GBE1: variants seen among roughly 807,000 people sequenced by gnomAD.
The protein encoded by GBE1 is 1,4-alpha-glucan-branching enzyme.
A neutral mutation model predicts 88.8 loss-of-function variants in GBE1; 70 were observed. The observed-to-expected ratio is 0.79, with a 90% CI of 0.65 to 0.96. GBE1 has a LOEUF of 0.96. GBE1 is among the 40% of genes least tolerant of loss of function. The pLI is 0.00. For missense variants in GBE1, 872 were observed against 871.0 expected, an observed-to-expected ratio of 1.00 and a Z score of -0.01; for synonymous variants, 284 against 300.1, an observed-to-expected ratio of 0.95 and a Z score of 0.56.
intron 3 of GBE1, among the ~76,000 whole-genome samples, chr3:81,665,509 C>T (rs1705102357): frequency 6.8e-6 from 1 of 147,476 alleles, no homozygotes; most frequent in Admixed American, 6.9e-5. Context: ...GCACTCCAGC[C>T]TGGGGGACAC....
chr3:81,651,547 T>C (rs1353866920), intron 3 of GBE1, among the ~76,000 whole-genome samples: 1 of 152,086 alleles, frequency 6.6e-6, no homozygotes, highest in Non-Finnish European at 1.5e-5. Flanking sequence ...GACCAATCTA[T>C]TTCAACTATT....
intron 15 of GBE1, among the ~76,000 whole-genome samples, chr3:81,497,386 G>A (rs981153058): frequency 1.2e-4 from 18 of 152,240 alleles, no homozygotes; most frequent in Admixed American, 1.1e-3. Context: ...TAAAATACAT[G>A]TGCAATAGCA....
chr3:81,593,258 G>A (rs571539992), intron 8 of GBE1, among the ~76,000 whole-genome samples: 91 of 151,608 alleles, frequency 6.0e-4, no homozygotes, highest in African/African-American at 2.1e-3. Context: ...CCAGCTACTC[G>A]GGAGGCTGAG....
chr3:81,743,584 C>CTT (rs1559706004), intron 1 of GBE1: 1 of 1,534,950 alleles, frequency 6.5e-7, no homozygotes, highest in East Asian at 2.4e-5. Context: ...CATGGGACAA[C>CTT]GAAGTTAGAA....
At chr3:81,665,777 TA>T (rs1383909986) in intron 3 of GBE1, among the ~76,000 whole-genome samples, 1 of 152,052 alleles carries the variant, frequency 6.6e-6, no homozygotes, top group Non-Finnish European at 1.5e-5. Context: ...ATTTACAGGG[TA>T]AATTCAGAGC....
intron 1 of GBE1, among the ~76,000 whole-genome samples, chr3:81,707,146 G>T (rs1705789229): frequency 6.6e-6 from 1 of 151,880 alleles, no homozygotes; most frequent in African/African-American, 2.4e-5. Flanking sequence ...AGAAAGGTTT[G>T]GGAAACAAAC....
intron 12 of GBE1, among the ~76,000 whole-genome samples, chr3:81,568,920 AG>A: frequency 6.6e-6 from 1 of 152,264 alleles, no homozygotes; most frequent in South Asian, 2.1e-4. Context: ...ATGTATACAC[AG>A]ATTGTGAGCT....
chr3:81,545,483 A>G (rs1445622964), intron 12 of GBE1, among the ~76,000 whole-genome samples: 1 of 152,190 alleles, frequency 6.6e-6, no homozygotes, highest in Non-Finnish European at 1.5e-5. Context: ...AGAAAGGATG[A>G]CATGCTAGAT....
intron 7 of GBE1, among the ~76,000 whole-genome samples, chr3:81,637,112 TAATA>T (rs763942888): frequency 7.9e-5 from 12 of 152,258 alleles, no homozygotes; most frequent in Non-Finnish European, 1.6e-4. Flanking sequence ...TAACAATAAC[TAATA>T]AAATAGAACA....
intron 7 of GBE1, among the ~76,000 whole-genome samples, chr3:81,614,750 T>C (rs1240257415): frequency 1.3e-5 from 2 of 152,126 alleles, no homozygotes; most frequent in African/African-American, 4.8e-5. Flanking sequence ...TCCCAGCTAC[T>C]CAGGAGGCTG....
intron 14 of GBE1, among the ~76,000 whole-genome samples, chr3:81,514,834 T>C (rs1465487381): frequency 1.3e-5 from 2 of 151,594 alleles, no homozygotes; most frequent in African/African-American, 4.8e-5. Flanking sequence ...ACACGAATAA[T>C]ATCTCACGTA....
At chr3:81,524,448 G>A (rs1702917063) in intron 14 of GBE1, among the ~76,000 whole-genome samples, 1 of 151,734 alleles carries the variant, frequency 6.6e-6, no homozygotes, top group South Asian at 2.1e-4. Context: ...TCTCTTCCCT[G>A]TTTCCTTTGT....
chr3:81,518,970 A>G (rs1482082247), intron 14 of GBE1, among the ~76,000 whole-genome samples: 1 of 151,612 alleles, frequency 6.6e-6, no homozygotes, highest in African/African-American at 2.4e-5. Context: ...TGCTCTATTT[A>G]GTCAGACCAG....
At chr3:81,589,452 C>T (rs943181499) in intron 9 of GBE1, among the ~76,000 whole-genome samples, 9 of 148,950 alleles carry the variant, frequency 6.0e-5, no homozygotes, top group South Asian at 2.1e-4. Context: ...AGAAAAGTGA[C>T]GTATTGAAAT....
intron 1 of GBE1, among the ~76,000 whole-genome samples, chr3:81,728,901 C>G (rs1374781101): frequency 6.6e-6 from 1 of 151,682 alleles, no homozygotes; most frequent in Non-Finnish European, 1.5e-5. Flanking sequence ...TCCAAATTCA[C>G]CCCCCCTTTT....
intron 7 of GBE1, among the ~76,000 whole-genome samples, chr3:81,641,854 T>C (rs1251226016): frequency 6.6e-6 from 1 of 151,018 alleles, no homozygotes; most frequent in Admixed American, 6.6e-5. Flanking sequence ...TTATGTATGA[T>C]GCAACACTGG....
chr3:81,504,579 T>C (rs938373555), intron 14 of GBE1, among the ~76,000 whole-genome samples: 11 of 152,150 alleles, frequency 7.2e-5, no homozygotes, highest in Admixed American at 2.6e-4. Flanking sequence ...TGATTTCTTA[T>C]TTTAAATTCA....
intron 1 of GBE1, among the ~76,000 whole-genome samples, chr3:81,748,722 T>C (rs1167628925): frequency 2.7e-5 from 4 of 150,904 alleles, no homozygotes; most frequent in Non-Finnish European, 5.9e-5. Context: ...GTAGAAAATA[T>C]CTGGAGGCCG....
chr3:81,674,444 G>A (rs974535314), intron 2 of GBE1, among the ~76,000 whole-genome samples: 3 of 151,862 alleles, frequency 2.0e-5, no homozygotes, highest in Admixed American at 6.6e-5. Flanking sequence ...TCATTAAGGT[G>A]TATCCAGGTG....
Sources: allele counts gnomAD v4.1 joint callset (sites outside exome capture counted in the v4.1 genomes callset), GRCh38; gene constraint gnomAD v4.1.1; transcripts MANE v1.5; gene names NCBI Gene and HGNC (gene_info 2026-07-23, HGNC 2026-07-21).